The following TTC3 variants were observed in gnomAD, a reference collection of about 807,000 sequenced individuals.
The protein encoded by TTC3 is E3 ubiquitin-protein ligase TTC3.
TTC3 carries 180 observed loss-of-function variants against 249.6 expected under a neutral mutation model. The observed-to-expected ratio is 0.72, with a 90% CI of 0.64 to 0.82. The LOEUF (loss-of-function observed/expected upper bound fraction) is 0.82, where lower values mean the gene tolerates loss of function less well. Among genes scored for constraint, TTC3 ranks in the 40% least tolerant of loss-of-function variants. The pLI is 0.00. For missense variants in TTC3, 2,061 were observed against 2,398.4 expected, an observed-to-expected ratio of 0.86 and a Z score of 2.94; for synonymous variants, 717 against 805.0, an observed-to-expected ratio of 0.89 and a Z score of 1.85.
At chr21:37,160,895 T>G (rs763336592) in intron 30 of TTC3, 37 bp downstream of exon 30, 1 of 1,589,766 alleles carries the variant, frequency 6.3e-7, no homozygotes, top group African/African-American at 1.4e-5. Flanking sequence ...TTGTCTAAAC[T>G]CTCCAAAATA....
intron 1 of TTC3, among the ~76,000 whole-genome samples, chr21:37,079,494 C>T (rs901710418): frequency 8.5e-6 from 1 of 117,472 alleles, no homozygotes; most frequent in Non-Finnish European, 1.7e-5. Flanking sequence ...AGAAATTTGT[C>T]CTTTCATCAA....
At chr21:37,099,972 A>G (rs2074318541) in intron 10 of TTC3, among the ~76,000 whole-genome samples, 1 of 152,252 alleles carries the variant, frequency 6.6e-6, no homozygotes, top group African/African-American at 2.4e-5. Context: ...TTGAGTGAAA[A>G]AGCAAGTCAC....
intron 12 of TTC3, 98 bp downstream of exon 12, chr21:37,122,077 C>G: frequency 8.9e-7 from 1 of 1,126,926 alleles, no homozygotes; most frequent in Non-Finnish European, 1.2e-6. Flanking sequence ...AATCAATCCT[C>G]AGATGATTTA....
intron 39 of TTC3, among the ~76,000 whole-genome samples, chr21:37,189,485 C>T (rs139897463): frequency 0.016 from 2,377 of 152,122 alleles, 134 homozygotes; most frequent in Admixed American, 0.11. Context: ...ACCTCGTGAT[C>T]CACCCACCTC....
At chr21:37,076,478 G>A (rs1438582452) in intron 1 of TTC3, among the ~76,000 whole-genome samples, 5 of 152,076 alleles carry the variant, frequency 3.3e-5, no homozygotes, top group African/African-American at 1.2e-4. Flanking sequence ...GAATGTGTGG[G>A]TACAAATGAT....
chr21:37,106,452 T>G (rs1002303894), intron 10 of TTC3, among the ~76,000 whole-genome samples: 1 of 152,370 alleles, frequency 6.6e-6, no homozygotes, highest in Middle Eastern at 3.4e-3. Flanking sequence ...GCTCTTTTTG[T>G]GTTCTGTTTA....
chr21:37,168,826 G>A (rs1418234159), intron 34 of TTC3, among the ~76,000 whole-genome samples: 1 of 152,142 alleles, frequency 6.6e-6, no homozygotes, highest in Non-Finnish European at 1.5e-5. Context: ...GGATGCTTCT[G>A]GAGATTCTCA....
At chr21:37,196,237 CTTTT>C (rs35693053) in intron 42 of TTC3, among the ~76,000 whole-genome samples, 8 of 120,332 alleles carry the variant, frequency 6.6e-5, no homozygotes, top group Admixed American at 8.4e-5. Flanking sequence ...TTTTTTCTTT[CTTTT>C]TTTTTTTTTT....
chr21:37,159,815 A>G (rs2080521959), intron 29 of TTC3, 70 bp downstream of exon 29: 1 of 1,465,916 alleles, frequency 6.8e-7, no homozygotes. Context: ...AAGGGGACCC[A>G]GGCCAGTGTT....
chr21:37,099,035 T>C (rs1329428703), intron 10 of TTC3: 1 of 152,132 alleles, frequency 6.6e-6, no homozygotes, highest in Non-Finnish European at 1.5e-5. Flanking sequence ...TCTGCTGTCA[T>C]TGAAGCAAGA....
intron 16 of TTC3, among the ~76,000 whole-genome samples, chr21:37,130,011 T>C (rs1002216116): frequency 1.3e-5 from 2 of 152,214 alleles, no homozygotes; most frequent in Non-Finnish European, 2.9e-5. Flanking sequence ...ATTGTAAATC[T>C]TTTAATACAG....
chr21:37,177,380 C>T (rs975435304), intron 35 of TTC3, among the ~76,000 whole-genome samples: 1 of 152,018 alleles, frequency 6.6e-6, no homozygotes, highest in Non-Finnish European at 1.5e-5. Context: ...GCCTCCTTAG[C>T]GAAGGGAACT....
intron 11 of TTC3, among the ~76,000 whole-genome samples, chr21:37,115,236 G>A (rs1012683527): frequency 9.3e-5 from 14 of 150,804 alleles, no homozygotes; most frequent in African/African-American, 3.2e-4. Context: ...AATTAAAATT[G>A]TAGGGATTTG....
exon 31 of TTC3, chr21:37,162,057 A>G: frequency 6.5e-7 from 1 of 1,549,490 alleles, no homozygotes; most frequent in Non-Finnish European, 8.8e-7. Flanking sequence ...TCAAGTGAAG[A>G]CCATAGGTAA....
At chr21:37,129,020 A>G (rs766531215) in exon 16 of TTC3, 6 of 1,595,030 alleles carry the variant, frequency 3.8e-6, no homozygotes, top group African/African-American at 1.4e-5. Flanking sequence ...TCCAAAACAT[A>G]AAGGAAAACA....
intron 39 of TTC3, among the ~76,000 whole-genome samples, chr21:37,191,035 A>G (rs898938321): frequency 6.6e-6 from 1 of 152,194 alleles, no homozygotes; most frequent in Non-Finnish European, 1.5e-5. Flanking sequence ...TATTAAACAT[A>G]AAGATGTCAG....
At chr21:37,192,507 G>T (rs2084289372) in intron 41 of TTC3, among the ~76,000 whole-genome samples, 1 of 151,644 alleles carries the variant, frequency 6.6e-6, no homozygotes, top group African/African-American at 2.4e-5. Flanking sequence ...GTGTGTGTGT[G>T]TGTGTGTGTG....
At chr21:37,108,514 G>A (rs2147796379) in intron 11 of TTC3, 68 bp downstream of exon 11, 13 of 1,433,260 alleles carry the variant, frequency 9.1e-6, no homozygotes, top group African/African-American at 1.4e-5. Flanking sequence ...TCTGTTTATA[G>A]GGTGTGTTTG....
chr21:37,169,939 A>G (rs571053546), intron 34 of TTC3, among the ~76,000 whole-genome samples: 1 of 152,252 alleles, frequency 6.6e-6, no homozygotes, highest in Non-Finnish European at 1.5e-5. Context: ...ATGGATTGCC[A>G]TCTAGAAAAA....
Sources: gnomAD v4.1 joint callset for allele counts (sites outside exome capture counted in the v4.1 genomes callset) on GRCh38, gnomAD v4.1.1 for gene constraint, MANE v1.5 for transcripts, NCBI Gene and HGNC (gene_info 2026-07-23, HGNC 2026-07-21) for gene names.